The following NMNAT1 variants were observed in gnomAD, a reference collection of about 807,000 sequenced individuals.
NMNAT1 encodes nicotinamide nucleotide adenylyltransferase 1, also known as nicotinamide/nicotinic acid mononucleotide adenylyltransferase 1.
A neutral mutation model predicts 16.7 loss-of-function variants in NMNAT1; 11 were observed. That is an observed-to-expected ratio of 0.66 (90% CI 0.41 to 1.09). The LOEUF is 1.09. Among genes scored for constraint, NMNAT1 ranks in the 50% least tolerant of loss-of-function variants. NMNAT1 has a pLI of 0.00. For missense variants in NMNAT1, 280 were observed against 332.3 expected (o/e 0.84, Z 1.22); for synonymous variants, 110 against 119.8 (o/e 0.92, Z 0.53).
chr1:9,966,376 G>A (rs183391262), intron 1 of NMNAT1, among the ~76,000 whole-genome samples: 1 of 152,078 alleles, frequency 6.6e-6, no homozygotes, highest in East Asian at 1.9e-4. Context: ...GCTGTGGGAG[G>A]CTGAGGCAGG....
chr1:9,978,194 A>G (rs1641857481), intron 3 of NMNAT1, among the ~76,000 whole-genome samples: 1 of 152,124 alleles, frequency 6.6e-6, no homozygotes, highest in Admixed American at 6.6e-5. Flanking sequence ...CGTCTCTACT[A>G]AAAATACAAA....
At chr1:9,949,135 TGGC>T (rs1641048166) in intron 1 of NMNAT1, among the ~76,000 whole-genome samples, 1 of 151,004 alleles carries the variant, frequency 6.6e-6, no homozygotes, top group Non-Finnish European at 1.5e-5. Flanking sequence ...CCGGGCATGG[TGGC>T]AGGCACCTGT....
the NMNAT1 span, among the ~76,000 whole-genome samples, chr1:9,993,149 C>G: frequency 6.6e-6 from 1 of 151,916 alleles, no homozygotes; most frequent in Non-Finnish European, 1.5e-5. Flanking sequence ...ACTTTGTGAA[C>G]CTAACCATGA....
Position 9,960,737 on chromosome 1 carries a change from C to A in NMNAT1, c.-56-11281C>A, listed in dbSNP as rs180754466. The A allele has an allele frequency of 4.4e-3, 676 of 152,316 alleles. 4 individuals are homozygous for A. Among genetic ancestry groups the A allele is most frequent in the Non-Finnish European group, 7.8e-3 (533 of 68,052 alleles). The allele number at this position is 152,316 out of a possible 1,614,324, so 9.4% of individuals were successfully genotyped here. A position where few individuals can be genotyped will look rare whatever the true frequency, so the allele number is the denominator to read the frequency against. Reference sequence around the variant, plus strand: ...ACAGCCTGAGCTGGTGAGTTCTCAGCAGCCAGCAGTGCAAGCGATAGGCCG... The same window carrying A: ...ACAGCCTGAGCTGGTGAGTTCTCAGAAGCCAGCAGTGCAAGCGATAGGCCG... On this transcript the variant is annotated intron_variant, in intron 1 of 4. Coordinates refer to ENST00000377205, the MANE Select transcript of NMNAT1 (RefSeq NM_022787.4).
Position 9,983,924 on chromosome 1 carries a change from T to C in NMNAT1, c.*1223T>C, listed in dbSNP as rs1642002733. On this transcript the variant is annotated 3_prime_UTR_variant, in exon 5 of 5. Transcript: ENST00000377205. ...TTTCCAATGCTGGAAACTTCTCTCA[T>C]ACTATCGTGCCTTCCTACTCAGAAG... 6.6e-6 allele frequency: 1 copy of C among 152,218 alleles called. No individual in the cohort carries two copies. The highest frequency in any genetic ancestry group is 2.4e-5 in the African/African-American group (1 of 41,454). The allele number at this position is 152,218 out of a possible 1,614,324, so 9.4% of individuals were successfully genotyped here.
chr1:9,980,417 A>C (rs1162232739), intron 3 of NMNAT1, among the ~76,000 whole-genome samples: 1 of 149,098 alleles, frequency 6.7e-6, no homozygotes, highest in Non-Finnish European at 1.5e-5. Flanking sequence ...TCAGAAGTTC[A>C]AGACCAGCCT....
At chr1:9,976,005 G>A (rs768997633) in intron 3 of NMNAT1, among the ~76,000 whole-genome samples, 5 of 152,054 alleles carry the variant, frequency 3.3e-5, no homozygotes, top group East Asian at 1.9e-4. Context: ...AGTTGTTTGC[G>A]GCCAGGCGCG....
At chr1:9,955,416 A>G (rs1223524212) in intron 1 of NMNAT1, among the ~76,000 whole-genome samples, 5 of 149,802 alleles carry the variant, frequency 3.3e-5, no homozygotes, top group African/African-American at 1.2e-4. Flanking sequence ...AAAAAAAAAA[A>G]AAAAAAGAAA....
chr1:9,987,455 A>T (rs1313229151), downstream of NMNAT1, among the ~76,000 whole-genome samples: 1 of 151,710 alleles, frequency 6.6e-6, no homozygotes, highest in Non-Finnish European at 1.5e-5. Context: ...CCTGGCTAAC[A>T]CAGTGGAACC....
At chr1:9,945,728 G>A (rs1366547073) in intron 1 of NMNAT1, among the ~76,000 whole-genome samples, 1 of 152,106 alleles carries the variant, frequency 6.6e-6, no homozygotes, top group Non-Finnish European at 1.5e-5. Flanking sequence ...AAAATTTGCT[G>A]AATAAACATT....
chr1:9,995,733 T>C, the NMNAT1 span, among the ~76,000 whole-genome samples: 1 of 151,282 alleles, frequency 6.6e-6, no homozygotes, highest in Non-Finnish European at 1.5e-5. Flanking sequence ...AAAGAATAAA[T>C]GAAAAAATAA....
chr1:9,992,544 A>AT, the NMNAT1 span, among the ~76,000 whole-genome samples: 1 of 152,038 alleles, frequency 6.6e-6, no homozygotes, highest in Non-Finnish European at 1.5e-5. Flanking sequence ...AGTTGTTCCA[A>AT]TCCTAAGAGG....
At chr1:9,946,290 C>T (rs1450504469) in intron 1 of NMNAT1, among the ~76,000 whole-genome samples, 1 of 152,136 alleles carries the variant, frequency 6.6e-6, no homozygotes, top group Non-Finnish European at 1.5e-5. Flanking sequence ...AAATAGAATA[C>T]AAGCCTTCAG....
intron 1 of NMNAT1, among the ~76,000 whole-genome samples, chr1:9,951,576 G>A (rs1247470154): frequency 2.0e-5 from 3 of 152,070 alleles, no homozygotes; most frequent in Admixed American, 6.6e-5. Context: ...CTGGGTTCAC[G>A]GGATCCTCCT....
intron 1 of NMNAT1, among the ~76,000 whole-genome samples, chr1:9,951,455 G>A (rs1292858251): frequency 7.4e-6 from 1 of 134,522 alleles, no homozygotes; most frequent in African/African-American, 2.6e-5. Flanking sequence ...AACAGCTTCA[G>A]TTTTTTTTTG....
At chr1:9,946,751 A>G (rs1395052743) in intron 1 of NMNAT1, among the ~76,000 whole-genome samples, 2 of 152,092 alleles carry the variant, frequency 1.3e-5, no homozygotes, top group Non-Finnish European at 2.9e-5. Context: ...ATCCGATAGG[A>G]CTAGTGTCCT....
chr1:9,944,269 A>G (rs1315562064), intron 1 of NMNAT1, among the ~76,000 whole-genome samples: 1 of 152,022 alleles, frequency 6.6e-6, no homozygotes, highest in Non-Finnish European at 1.5e-5. Flanking sequence ...TAAAAATAAA[A>G]AAAAGTTACC....
chr1:9,964,316 C>T (rs1297512800), intron 1 of NMNAT1, among the ~76,000 whole-genome samples: 2 of 151,560 alleles, frequency 1.3e-5, no homozygotes, highest in Non-Finnish European at 2.9e-5. Context: ...AATCCTCCCA[C>T]CTCCACTTCC....
At chr1:9,972,989 T>C (rs1641722258) in intron 2 of NMNAT1, among the ~76,000 whole-genome samples, 1 of 152,196 alleles carries the variant, frequency 6.6e-6, no homozygotes, top group South Asian at 2.1e-4. Flanking sequence ...AATTTGATTC[T>C]GTCATGCCTG....
Sources: gnomAD v4.1 joint callset for allele counts (sites outside exome capture counted in the v4.1 genomes callset) on GRCh38, gnomAD v4.1.1 for gene constraint, MANE v1.5 for transcripts, NCBI Gene and HGNC (gene_info 2026-07-23, HGNC 2026-07-21) for gene names.